YTHDC2: variants seen among roughly 807,000 people sequenced by gnomAD.
The protein encoded by YTHDC2 is 3'-5' RNA helicase YTHDC2.
A neutral mutation model predicts 174.9 loss-of-function variants in YTHDC2; 45 were observed. The ratio of observed to expected loss-of-function variants is 0.26; its 90% confidence interval spans 0.20 to 0.33. YTHDC2 has a LOEUF of 0.33. Among genes scored for constraint, YTHDC2 ranks in the 10% least tolerant of loss-of-function variants. The probability of loss-of-function intolerance (pLI) is 1.00; values close to 1 mark genes in which losing one functional copy is unlikely to be tolerated. For missense variants in YTHDC2, 1,650 were observed against 1,723.7 expected, an observed-to-expected ratio of 0.96 and a Z score of 0.76; for synonymous variants, 657 against 574.5, an observed-to-expected ratio of 1.14 and a Z score of -2.05.
intron 18 of YTHDC2, among the ~76,000 whole-genome samples, chr5:113,562,985 A>G (rs1254560909): frequency 6.6e-6 from 1 of 152,178 alleles, no homozygotes. Flanking sequence ...CAATTTGCAC[A>G]GGGCCTTGCA....
intron 21 of YTHDC2, 124 bp from the exon 22 acceptor site, chr5:113,566,968 T>A: frequency 9.2e-7 from 1 of 1,084,968 alleles, no homozygotes; most frequent in South Asian, 1.7e-5. Flanking sequence ...CAGAGGAGAT[T>A]CTATTAATTA....
At chr5:113,564,634 A>G (rs947317679) in intron 20 of YTHDC2, among the ~76,000 whole-genome samples, 1 of 152,190 alleles carries the variant, frequency 6.6e-6, no homozygotes, top group African/African-American at 2.4e-5. Context: ...AGATAATGGT[A>G]ATGGCAAGTT....
At chr5:113,531,297 G>A (rs546855094) in intron 4 of YTHDC2, among the ~76,000 whole-genome samples, 3 of 152,168 alleles carry the variant, frequency 2.0e-5, no homozygotes, top group Non-Finnish European at 4.4e-5. Context: ...AGGCTGAGGG[G>A]CTGGGCCACT....
intron 22 of YTHDC2, 119 bp downstream of exon 22, chr5:113,567,416 A>G: frequency 2.9e-6 from 1 of 350,528 alleles, no homozygotes; most frequent in Non-Finnish European, 4.4e-6. Context: ...ATATATATAT[A>G]TATATATATA....
At chr5:113,522,747 A>G (rs1773964866) in intron 2 of YTHDC2, among the ~76,000 whole-genome samples, 1 of 152,156 alleles carries the variant, frequency 6.6e-6, no homozygotes, top group South Asian at 2.1e-4. Context: ...CCTCACAACA[A>G]TGAGGTGAAT....
At chr5:113,534,838 A>G (rs1436645991) in intron 6 of YTHDC2, among the ~76,000 whole-genome samples, 2 of 152,178 alleles carry the variant, frequency 1.3e-5, no homozygotes, top group Non-Finnish European at 2.9e-5. Context: ...TGCTAAATTA[A>G]CTAACTGCTG....
intron 24 of YTHDC2, among the ~76,000 whole-genome samples, chr5:113,580,372 G>T (rs1238188427): frequency 6.6e-6 from 1 of 152,106 alleles, no homozygotes; most frequent in African/African-American, 2.4e-5. Flanking sequence ...CTGAGAGAAA[G>T]ATATGATTCC....
Position 113,581,526 on chromosome 5 carries a change from C to G in YTHDC2, c.3464C>G (p.Ala1155Gly). The change falls in exon 25 of 30, where the codon GCA becomes GGA. Residue 1155 changes from alanine to glycine, a missense_variant. Coordinates refer to ENST00000161863, the MANE Select transcript of YTHDC2 (RefSeq NM_022828.5). ...CAAGTTGATGAAGCTACCATAAGAG[C>G]AATTATAGCTGTTTTAAGCACTGAA... ...WSQVDEATIR[A>G]IIAVLSTEEQ... 6.2e-7 allele frequency: 1 copy of G among 1,613,944 alleles called. No individual in the cohort carries two copies. The highest frequency in any genetic ancestry group is 1.3e-5 in the African/African-American group (1 of 75,034).
At chr5:113,531,358 G>A (rs1439097847) in intron 4 of YTHDC2, among the ~76,000 whole-genome samples, 1 of 152,140 alleles carries the variant, frequency 6.6e-6, no homozygotes, top group African/African-American at 2.4e-5. Flanking sequence ...GGTCCCATCA[G>A]CCAGCGAAGC....
intron 4 of YTHDC2, among the ~76,000 whole-genome samples, chr5:113,531,204 T>C (rs143130847): frequency 3.3e-5 from 5 of 152,324 alleles, no homozygotes; most frequent in Non-Finnish European, 7.4e-5. Flanking sequence ...TTTATGCTTC[T>C]GTATGCTGGG....
chr5:113,522,291 T>A (rs1359573450), intron 2 of YTHDC2, among the ~76,000 whole-genome samples: 9 of 152,100 alleles, frequency 5.9e-5, no homozygotes. Flanking sequence ...GAAGCATATG[T>A]TTGTATTTGA....
chr5:113,556,296 A>G (rs1776605104), intron 17 of YTHDC2, 162 bp downstream of exon 17: 1 of 444,986 alleles, frequency 2.2e-6, no homozygotes, highest in Non-Finnish European at 4.0e-6. Context: ...ATACTTCCTT[A>G]AAAGTTGAAT....
intron 12 of YTHDC2, among the ~76,000 whole-genome samples, 157 bp downstream of exon 12, chr5:113,549,177 G>T (rs571818324): frequency 6.6e-6 from 1 of 152,000 alleles, no homozygotes; most frequent in Non-Finnish European, 1.5e-5. Context: ...ATCTACCATG[G>T]TATAATATTT....
At position 113,553,165 on chromosome 5, in the gene YTHDC2, T is replaced by TTC; in HGVS notation, c.1689-15_1689-14insCT. 1 of 1,368,726 alleles carries TTC rather than the reference T, an allele frequency of 7.3e-7. No homozygotes were observed. The highest frequency in any genetic ancestry group is 9.4e-7 in the Non-Finnish European group (1 of 1,063,632). 84.8% of individuals were successfully genotyped at this position (1,368,726 alleles called of 1,614,324 possible). On this transcript the variant is annotated splice_polypyrimidine_tract_variant and intron_variant, in intron 12 of 29. Transcript: ENST00000161863. ...ATGGAAATTGACTTTGTCTTTTTTT[T>TTC]TTTTTTTTTTTTCAGTGCTACACTG...
At chr5:113,557,130 CAATG>C (rs1241671563) in intron 17 of YTHDC2, among the ~76,000 whole-genome samples, 4 of 152,052 alleles carry the variant, frequency 2.6e-5, no homozygotes, top group African/African-American at 4.8e-5. Context: ...CATTAAAAAA[CAATG>C]AATGATTGTT....
At chr5:113,549,449 A>G (rs1776103735) in intron 12 of YTHDC2, among the ~76,000 whole-genome samples, 1 of 152,210 alleles carries the variant, frequency 6.6e-6, no homozygotes, top group Admixed American at 6.5e-5. Context: ...CACAGTGCCA[A>G]TGAGAAACAC....
intron 26 of YTHDC2, among the ~76,000 whole-genome samples, chr5:113,590,400 G>A (rs997523831): frequency 1.3e-4 from 20 of 152,296 alleles, no homozygotes; most frequent in Admixed American, 5.9e-4. Flanking sequence ...AAGATAACAC[G>A]AAATATTCCC....
Position 113,551,243 on chromosome 5 carries a change from T to A in YTHDC2, c.1689-1938T>A, listed in dbSNP as rs534330774. Reference sequence around the variant, plus strand: ...GTCCTTTTATTGTTAACACTTTGAATGTTCCAGACATTCTTATGGTGTTAA... The same window carrying A: ...GTCCTTTTATTGTTAACACTTTGAAAGTTCCAGACATTCTTATGGTGTTAA... On this transcript the variant is annotated intron_variant, in intron 12 of 29. Coordinates refer to ENST00000161863, the MANE Select transcript of YTHDC2 (RefSeq NM_022828.5). Among the ~76,000 whole-genome samples, 35 of 152,198 alleles carry A rather than the reference T, an allele frequency of 2.3e-4. No homozygotes were observed. The South Asian group carries it at 6.4e-3, about 28-fold the overall frequency.
chr5:113,586,857 C>T, intron 26 of YTHDC2, among the ~76,000 whole-genome samples: 1 of 131,430 alleles, frequency 7.6e-6, no homozygotes, highest in East Asian at 2.2e-4. Flanking sequence ...ATTAATATCT[C>T]TCTCTCTCTC....
Sources: allele counts gnomAD v4.1 joint callset (sites outside exome capture counted in the v4.1 genomes callset), GRCh38; gene constraint gnomAD v4.1.1; transcripts MANE v1.5; gene names NCBI Gene and HGNC (gene_info 2026-07-23, HGNC 2026-07-21).